Variants in KIF27 observed in about 807,000 individuals in gnomAD.
KIF27 encodes the protein kinesin-like protein KIF27.
Under a neutral mutation model 141.8 loss-of-function variants are expected in KIF27, and 84 were observed. That is an observed-to-expected ratio of 0.59 (90% CI 0.50 to 0.71). The LOEUF (loss-of-function observed/expected upper bound fraction) is 0.71. KIF27 is among the 30% of genes least tolerant of loss of function. KIF27 has a pLI of 0.00. For missense variants in KIF27, 1,306 were observed against 1,628.4 expected, an observed-to-expected ratio of 0.80 and a Z score of 3.41; for synonymous variants, 471 against 569.5, an observed-to-expected ratio of 0.83 and a Z score of 2.46.
At chr9:83,861,181 T>TTATATATATA (rs369418168) in intron 13 of KIF27, among the ~76,000 whole-genome samples, 111 of 149,536 alleles carry the variant, frequency 7.4e-4, no homozygotes, top group Admixed American at 1.2e-3. Flanking sequence ...GGCTATTTCT[T>TTATATATATA]TATATATATA....
At chr9:83,855,964 A>G (rs1231522937) in intron 14 of KIF27, among the ~76,000 whole-genome samples, 2 of 152,236 alleles carry the variant, frequency 1.3e-5, no homozygotes, top group Non-Finnish European at 2.9e-5. Flanking sequence ...AGGCTGCAGC[A>G]TATCAGTGTT....
chr9:83,918,349 G>A (rs1955913713), intron 1 of KIF27, among the ~76,000 whole-genome samples: 1 of 143,354 alleles, frequency 7.0e-6, no homozygotes, highest in Admixed American at 7.0e-5. Flanking sequence ...CAGGGAGGGA[G>A]AGGAGGGAGG....
At chr9:83,905,630 T>A (rs1954440119) in intron 3 of KIF27, among the ~76,000 whole-genome samples, 1 of 152,210 alleles carries the variant, frequency 6.6e-6, no homozygotes, top group African/African-American at 2.4e-5. Context: ...GTCCTGTAAG[T>A]CATAGTAAAA....
chr9:83,896,653 T>A (rs1170409145), intron 5 of KIF27, among the ~76,000 whole-genome samples: 2 of 152,224 alleles, frequency 1.3e-5, no homozygotes, highest in Non-Finnish European at 2.9e-5. Flanking sequence ...TCTAAACATA[T>A]ATAAATGTAA....
chr9:83,887,907 A>G (rs979429908), intron 8 of KIF27, among the ~76,000 whole-genome samples: 3 of 152,054 alleles, frequency 2.0e-5, no homozygotes, highest in African/African-American at 7.2e-5. Context: ...ATATTTTCAA[A>G]GTGTAGCACT....
At chr9:83,850,009 G>A (rs1300369044) in intron 16 of KIF27, 90 bp downstream of exon 16, 1 of 1,142,262 alleles carries the variant, frequency 8.8e-7, no homozygotes, top group African/African-American at 1.5e-5. Context: ...TAAACATGTT[G>A]ACCTTTTAAG....
chr9:83,852,274 G>C (rs1219576461), intron 15 of KIF27, among the ~76,000 whole-genome samples: 1 of 143,308 alleles, frequency 7.0e-6, no homozygotes, highest in Admixed American at 6.8e-5. Flanking sequence ...GTAAAACCCC[G>C]TCTCTACTAA....
chr9:83,872,854 T>C (rs981603453), intron 11 of KIF27, among the ~76,000 whole-genome samples: 1 of 152,102 alleles, frequency 6.6e-6, no homozygotes, highest in African/African-American at 2.4e-5. Context: ...TCCTAAACTA[T>C]TCAGGAGAGA....
intron 11 of KIF27, among the ~76,000 whole-genome samples, chr9:83,870,854 A>G (rs913529474): frequency 6.6e-6 from 1 of 151,954 alleles, no homozygotes; most frequent in Non-Finnish European, 1.5e-5. Context: ...AGAAAGAGAA[A>G]ATGAGTAGAT....
At chr9:83,885,794 G>A (rs1229811231) in intron 9 of KIF27, among the ~76,000 whole-genome samples, 1 of 152,140 alleles carries the variant, frequency 6.6e-6, no homozygotes, top group Non-Finnish European at 1.5e-5. Flanking sequence ...ACCATGCCCA[G>A]TACGCATCAG....
intron 2 of KIF27, among the ~76,000 whole-genome samples, chr9:83,909,148 T>A (rs556763511): frequency 1.3e-5 from 2 of 152,182 alleles, no homozygotes; most frequent in Non-Finnish European, 2.9e-5. Context: ...CAAAAAAGAA[T>A]AACTGATAAG....
In KIF27 at chr9:83,864,335, A is replaced by G. The variant is rs11140275; in HGVS notation, c.2934+3349T>C. Among the ~76,000 whole-genome samples, 1,235 of 152,214 alleles carry G rather than the reference A, an allele frequency of 8.1e-3. 32 individuals carry two copies. The highest frequency in any genetic ancestry group is 0.039 in the East Asian group (203 of 5,184). On this transcript the variant is annotated intron_variant, in intron 13 of 17. Transcript: ENST00000297814. ...TAGTGCTATAAATTTCCCTCTACAC[A>G]CTGCTTTAAATGTGTCCCAGAGATT...
Position 83,836,892 on chromosome 9 carries a change from C to T in KIF27, c.*109G>A. 1 of 1,502,910 alleles carries T rather than the reference C, an allele frequency of 6.7e-7. No individual in the cohort carries two copies. The highest frequency in any genetic ancestry group is 8.9e-7 in the Non-Finnish European group (1 of 1,121,630). 93.1% of individuals were successfully genotyped at this position (1,502,910 alleles called of 1,614,324 possible). On this transcript the variant is annotated 3_prime_UTR_variant, in exon 18 of 18. Transcript: ENST00000297814. ...AAAGAATTAGGGATTCCTTCCTCCC[C>T]TTCTTCCTTTATTCTGAGGAAAGAG...
chr9:83,883,952 T>C lies in KIF27; in HGVS notation c.2306A>G (p.Glu769Gly), dbSNP rs758953455. The stretch of plus-strand genomic sequence containing the variant: ...TTCAATCAGTTCGACTTTTGCCTGT[T>C]CTGCATCATGCTCTAGCTTTGTTAC... ...LKVTKLEHDAEQAKVELIETQ... is the reference protein window; with the variant it reads ...LKVTKLEHDAGQAKVELIETQ... Residue 769 changes from glutamate to glycine, a missense_variant, in exon 10 of 18, where the codon GAA (glutamate) becomes GGA (glycine). By Grantham distance (98) the Glu-to-Gly change is moderately conservative (BLOSUM62 -2). Transcript: ENST00000297814. 2.7e-5 allele frequency: 43 copies of C among 1,613,704 alleles called. No homozygotes were observed. In the East Asian group the frequency reaches 7.8e-4, roughly 29 times the overall value.
chr9:83,908,416 G>T, intron 3 of KIF27, 36 bp downstream of exon 3: 1 of 1,274,074 alleles, frequency 7.8e-7, no homozygotes, highest in Non-Finnish European at 1.1e-6. Context: ...ATGTCTGTTT[G>T]CTAATGAAGG....
intron 1 of KIF27, among the ~76,000 whole-genome samples, chr9:83,919,410 T>C (rs76241597): frequency 0.018 from 2,711 of 152,284 alleles, 95 homozygotes; most frequent in African/African-American, 0.063. Context: ...ATACAAAATT[T>C]AACAAGTAAT....
chr9:83,893,545 C>CA (rs906690018), intron 5 of KIF27, among the ~76,000 whole-genome samples: 7 of 148,866 alleles, frequency 4.7e-5, no homozygotes, highest in East Asian at 3.9e-4. Flanking sequence ...ATTCACAAGT[C>CA]AAAAAAAAAG....
At chr9:83,885,277 G>C (rs1239334648) in intron 9 of KIF27, among the ~76,000 whole-genome samples, 1 of 152,036 alleles carries the variant, frequency 6.6e-6, no homozygotes, top group Admixed American at 6.5e-5. Flanking sequence ...ATTTTTAGTA[G>C]AGACAGGGTT....
intron 16 of KIF27, chr9:83,847,477 T>C (rs901505420): frequency 6.6e-6 from 1 of 152,208 alleles, no homozygotes; most frequent in African/African-American, 2.4e-5. Context: ...TGAGGTGTAA[T>C]TATAACCTTA....
Sources: gnomAD v4.1 joint callset for allele counts (sites outside exome capture counted in the v4.1 genomes callset) on GRCh38, gnomAD v4.1.1 for gene constraint, MANE v1.5 for transcripts, NCBI Gene and HGNC (gene_info 2026-07-23, HGNC 2026-07-21) for gene names.